NRAP: variants seen among roughly 807,000 people sequenced by gnomAD.
NRAP encodes nebulin-related-anchoring protein.
A neutral mutation model predicts 225.9 loss-of-function variants in NRAP; 189 were observed. The ratio of observed to expected loss-of-function variants is 0.84; its 90% CI spans 0.74 to 0.94. NRAP has a LOEUF of 0.94. NRAP is among the 40% of genes least tolerant of loss of function. The probability of loss-of-function intolerance (pLI) is 0.00; values close to 1 mark genes in which losing one functional copy is unlikely to be tolerated. For missense variants in NRAP, 2,176 were observed against 2,168.7 expected (o/e 1.00, Z -0.07); for synonymous variants, 769 against 790.7 (o/e 0.97, Z 0.46).
rs1476580871 is a variant in NRAP, at chr10:113,604,909, T to G, written c.3927A>C (p.Arg1309Ser). 3.7e-6 allele frequency: 6 copies of G among 1,611,216 alleles called. No homozygotes were observed. The highest frequency in any genetic ancestry group is 1.3e-5 in the African/African-American group (1 of 74,850). Residue 1309 changes from arginine to serine, a missense_variant, in exon 35 of 42, where the codon AGA (arginine) becomes AGC (serine). By Grantham distance (110) the Arg-to-Ser change is moderately radical (BLOSUM62 -1). Around this residue, in one of 3 missense-constraint regions of NRAP, gnomAD observed 1,708 missense variants for 1,695.5 expected, o/e 1.01. Transcript: ENST00000359988. ...SGDIASDFLYRHDFVKERGKL... is the reference protein window; with the variant it reads ...SGDIASDFLYSHDFVKERGKL... ...TCCCTCGCTCCTTCACAAAGTCATG[T>G]CTGTAGAGAAACTGCAAGAAAGGGC... is the stretch of plus-strand genomic sequence containing the variant.
intron 15 of NRAP, among the ~76,000 whole-genome samples, chr10:113,633,611 T>C (rs1013141706): frequency 1.3e-5 from 2 of 152,198 alleles, no homozygotes; most frequent in African/African-American, 4.8e-5. Context: ...TCCTGTTGGA[T>C]GAATACGGCA....
At chr10:113,608,135 G>C (rs983266066) in intron 32 of NRAP, among the ~76,000 whole-genome samples, 1 of 152,180 alleles carries the variant, frequency 6.6e-6, no homozygotes, top group African/African-American at 2.4e-5. Context: ...TTTGGAGTCA[G>C]TAGATCTGAG....
In NRAP at chr10:113,637,859, T is replaced by C. The variant is rs1309850702; in HGVS notation, c.1428+2368A>G. Among the ~76,000 whole-genome samples, 3 of 151,664 alleles carry C rather than the reference T, an allele frequency of 2.0e-5. No individual in the cohort carries two copies. In the East Asian group the frequency reaches 5.8e-4, roughly 29 times the overall value. On this transcript the variant is annotated intron_variant, in intron 14 of 41. Transcript: ENST00000359988. ...ATTGCTTGAACCCGGGAGGCAGAGG[T>C]TGCTATGAGCCGAGATCGCACCATT...
At chr10:113,643,530 C>T (rs145715372) in intron 11 of NRAP, among the ~76,000 whole-genome samples, 13 of 152,272 alleles carry the variant, frequency 8.5e-5, no homozygotes, top group Admixed American at 1.3e-4. Context: ...TGCAATTCAA[C>T]GAGGAAAGTT....
chr10:113,661,466 A>G lies in NRAP; in HGVS notation c.255+1213T>C, dbSNP rs187243200. Among the ~76,000 whole-genome samples the G allele has an allele frequency of 4.8e-3, 729 of 152,258 alleles. 1 individual carries two copies. The highest frequency in any genetic ancestry group is 7.7e-3 in the Non-Finnish European group (523 of 68,018). ...CAGCTGGGCAGGGAAGGGAGTCAGT[A>G]TGAGGTGGAGCAACATTAGGAAGGG... On this transcript the variant is annotated intron_variant, in intron 3 of 41. Transcript: ENST00000359988.
At chr10:113,600,155 TTC>T (rs10529111) in intron 35 of NRAP, among the ~76,000 whole-genome samples, 1,788 of 140,200 alleles carry the variant, frequency 0.013, 24 homozygotes, top group African/African-American at 0.027. Flanking sequence ...AGGGGTTATA[TTC>T]TCTCTCTCTC....
chr10:113,590,159 A>C (rs2133809255), intron 40 of NRAP, among the ~76,000 whole-genome samples: 1 of 152,328 alleles, frequency 6.6e-6, no homozygotes, highest in South Asian at 2.1e-4. Context: ...GGCTGGGTTA[A>C]TAGCTAAGAT....
In NRAP at chr10:113,614,849, AT is replaced by A. The variant is rs1419671233; in HGVS notation, c.3175del (p.Ile1059SerfsTer2). The A allele has an allele frequency of 1.3e-6, 2 of 1,595,604 alleles. No individual in the cohort carries two copies. Among genetic ancestry groups the A allele is most frequent in the South Asian group, 1.1e-5 (1 of 90,724 alleles). On this transcript the variant is annotated frameshift_variant, in exon 28 of 42. Coordinates refer to ENST00000359988, the MANE Select transcript of NRAP (RefSeq NM_198060.4). LOFTEE classifies it high-confidence loss of function. ...PFQAAKASGEIISDYKYKEAF... is the reference protein window; with the variant it reads ...PFQAAKASGEXISDYKYKEAF... ...GGGGTGAATGCTCACATCACTTATG[AT>A]TTCACCAGAAGCCTTTGCTGCTTGG...
At position 113,605,747 on chromosome 10, in the gene NRAP, TA is replaced by T. The variant is rs756783886; in HGVS notation, c.3915+14del. On this transcript the variant is annotated intron_variant, in intron 34 of 41. Coordinates refer to ENST00000359988, the MANE Select transcript of NRAP (RefSeq NM_198060.4). The stretch of plus-strand genomic sequence containing the variant: ...AGAAATTAGGCAAGATGGAAGGTCA[TA>T]TCATTCAACTCACATCACTGGCTAT... 1.3e-6 allele frequency: 2 copies of T among 1,523,164 alleles called. No homozygotes were observed. Among genetic ancestry groups the T allele is most frequent in the South Asian group, 2.3e-5 (2 of 88,514 alleles). 94.4% of individuals were successfully genotyped at this position (1,523,164 alleles called of 1,614,324 possible).
In NRAP at chr10:113,626,104, G is replaced by A. The variant is rs367964260; in HGVS notation, c.2187C>T (p.Ser729=). ...GCTCCATCTGGGAGCTGTCGGTCAC[G>A]CTGGTGAACTTCAGCTCATCGACCC... ...RQRVDELKFT[S]VTDSSQMEHA... Residue 729 remains serine (S), a synonymous_variant, in exon 21 of 42, where the codon AGC becomes AGT. Transcript: ENST00000359988. The A allele has an allele frequency of 9.3e-6, 15 of 1,611,890 alleles. No homozygotes were observed. The highest frequency in any genetic ancestry group is 3.3e-5 in the South Asian group (3 of 90,258).
Position 113,598,219 on chromosome 10 carries a change from T to C in NRAP, c.4228-146A>G. The C allele has an allele frequency of 6.0e-6, 4 of 665,748 alleles. No homozygotes were observed. In the South Asian group the frequency reaches 6.8e-5, roughly 11 times the overall value. The allele number at this position is 665,748 out of a possible 1,614,324, so 41.2% of individuals were successfully genotyped here. A position where few individuals can be genotyped will look rare whatever the true frequency, so the allele number is the denominator to read the frequency against. ...CTTCACTGGGAGTACATTCTGCATG[T>C]CGTCAAGTCAAACTGTTTGAATTTG... is the stretch of plus-strand genomic sequence containing the variant. On this transcript the variant is annotated intron_variant, in intron 35 of 41. Transcript: ENST00000359988.
At chr10:113,631,380 G>T in intron 18 of NRAP, 129 bp downstream of exon 18, 1 of 621,008 alleles carries the variant, frequency 1.6e-6, no homozygotes, top group Non-Finnish European at 2.8e-6. Context: ...TCTTATGCAA[G>T]CCAGGAAAGA....
Position 113,641,401 on chromosome 10 carries a change from A to G in NRAP, c.1287T>C (p.Thr429=), listed in dbSNP as rs368306103. ...GGCTGCCAACTTTCATAGCATGCAG[A>G]GTGCGTCTGTCCATACCAACTCCTT... ...RYEGVGMDRR[T]LHAMKVGSLA... The change falls in exon 13 of 42, where the codon ACT becomes ACC. Residue 429 remains threonine (T), a synonymous_variant. Coordinates refer to ENST00000359988, the MANE Select transcript of NRAP (RefSeq NM_198060.4). 5.3e-5 allele frequency: 86 copies of G among 1,613,740 alleles called. No individual in the cohort carries two copies. Among genetic ancestry groups the G allele is most frequent in the Admixed American group, 6.7e-5 (4 of 59,980 alleles).
chr10:113,653,368 G>A (rs1030359837), intron 5 of NRAP, among the ~76,000 whole-genome samples: 3 of 152,118 alleles, frequency 2.0e-5, no homozygotes, highest in Non-Finnish European at 2.9e-5. Context: ...CCTGTAACTC[G>A]TCTGCTAGCA....
chr10:113,656,911 A>G (rs1287045782), intron 4 of NRAP, among the ~76,000 whole-genome samples: 1 of 152,182 alleles, frequency 6.6e-6, no homozygotes, highest in Non-Finnish European at 1.5e-5. Flanking sequence ...TTTTTTTATA[A>G]TAAGAATAAT....
intron 32 of NRAP, among the ~76,000 whole-genome samples, chr10:113,607,381 G>A: frequency 1.0e-5 from 1 of 97,266 alleles, no homozygotes; most frequent in Admixed American, 1.5e-4. Context: ...CAGCCTGGGT[G>A]AAAGAGCGAA....
At chr10:113,654,507 C>CA (rs56238053) in intron 4 of NRAP, among the ~76,000 whole-genome samples, 24,337 of 128,156 alleles carry the variant, frequency 0.19, 3,067 homozygotes, top group African/African-American at 0.37. Context: ...GCAATAAAAG[C>CA]AAAAAAAAAA....
chr10:113,650,695 A>C, intron 7 of NRAP, 150 bp from the exon 8 acceptor site: 1 of 643,088 alleles, frequency 1.6e-6, no homozygotes, highest in East Asian at 2.7e-5. Flanking sequence ...GGCCATGTGC[A>C]TCTTATTCAT....
At chr10:113,611,205 GC>G (rs1359286740) in intron 30 of NRAP, among the ~76,000 whole-genome samples, 3 of 152,076 alleles carry the variant, frequency 2.0e-5, no homozygotes, top group African/African-American at 7.2e-5. Flanking sequence ...TGACAAACGG[GC>G]CCCCGAGATG....
Sources: gnomAD v4.1 joint callset for allele counts (sites outside exome capture counted in the v4.1 genomes callset) on GRCh38, gnomAD v4.1.1 for gene constraint, gnomAD v4.1.1 regional missense constraint, MANE v1.5 for transcripts, NCBI Gene and HGNC (gene_info 2026-07-23, HGNC 2026-07-21) for gene names.